The following TMED5 variants were observed in gnomAD, a reference collection of about 807,000 sequenced individuals.
The protein encoded by TMED5 is transmembrane emp24 domain-containing protein 5.
TMED5 carries 27 observed loss-of-function variants against 23.0 expected under a neutral mutation model. That is an observed-to-expected ratio of 1.17 (90% confidence interval 0.86 to 1.62). The LOEUF (loss-of-function observed/expected upper bound fraction) is 1.62, where lower values mean the gene tolerates loss of function less well. Ranked by LOEUF, TMED5 falls within the 40% of genes most tolerant of loss-of-function variation. TMED5 has a pLI of 0.00. For synonymous variants in TMED5, 97 were observed against 100.8 expected, an observed-to-expected ratio of 0.96 and a Z score of 0.23; for missense variants, 248 against 273.7, an observed-to-expected ratio of 0.91 and a Z score of 0.66.
chr1:93,175,316 T>TATATATATACACAC (rs1553160172), intron 1 of TMED5, among the ~76,000 whole-genome samples: 1 of 129,088 alleles, frequency 7.7e-6, no homozygotes, highest in African/African-American at 3.0e-5. Context: ...TATATATATA[T>TATATATATACACAC]ACACACACAC....
At chr1:93,160,888 A>C (rs1353725861) in intron 1 of TMED5, 2 of 148,404 alleles carry the variant, frequency 1.3e-5, no homozygotes, top group Non-Finnish European at 3.0e-5. Flanking sequence ...ATTGTATATA[A>C]CTTTTTTGTT....
At chr1:93,171,240 C>T (rs1203103647) in intron 1 of TMED5, among the ~76,000 whole-genome samples, 1 of 152,140 alleles carries the variant, frequency 6.6e-6, no homozygotes, top group Non-Finnish European at 1.5e-5. Flanking sequence ...TGCAGCTTCA[C>T]TCCTGAGCCA....
chr1:93,169,919 A>AC (rs1557576991), intron 1 of TMED5, among the ~76,000 whole-genome samples: 71 of 151,076 alleles, frequency 4.7e-4, no homozygotes, highest in South Asian at 6.3e-4. Context: ...ACACACACAC[A>AC]AAATTAGGCA....
intron 1 of TMED5, among the ~76,000 whole-genome samples, chr1:93,174,765 G>A (rs919383068): frequency 6.6e-6 from 1 of 152,044 alleles, no homozygotes; most frequent in African/African-American, 2.4e-5. Context: ...TTCTGTGTTA[G>A]TTTGCTAAGG....
chr1:93,171,336 G>A (rs1337402970), intron 1 of TMED5, among the ~76,000 whole-genome samples: 1 of 152,192 alleles, frequency 6.6e-6, no homozygotes, highest in Non-Finnish European at 1.5e-5. Context: ...CTGCCTTTAA[G>A]AACTGTAACA....
chr1:93,161,582 TCAAAAAA>T (rs1648277677), intron 1 of TMED5: 1 of 152,230 alleles, frequency 6.6e-6, no homozygotes, highest in Non-Finnish European at 1.5e-5. Flanking sequence ...ATTTTGCAAT[TCAAAAAA>T]TTGCAACCTC....
intron 3 of TMED5, 127 bp from the exon 4 acceptor site, chr1:93,155,015 G>T: frequency 1.5e-6 from 1 of 673,556 alleles, no homozygotes; most frequent in South Asian, 2.0e-5. Context: ...AGGGCAGGAG[G>T]ACCCCTTGAA....
intron 1 of TMED5, among the ~76,000 whole-genome samples, chr1:93,171,981 A>G (rs1648747244): frequency 6.6e-6 from 1 of 152,220 alleles, no homozygotes; most frequent in Non-Finnish European, 1.5e-5. Context: ...ATGGGTATGG[A>G]AAACATATTT....
chr1:93,160,970 C>T (rs1648255444), intron 1 of TMED5: 1 of 152,148 alleles, frequency 6.6e-6, no homozygotes, highest in Admixed American at 6.5e-5. Flanking sequence ...GTGTGGACTC[C>T]AACTGACTTC....
At position 93,153,424 on chromosome 1, in the gene TMED5, C is replaced by T. The variant is rs1043430937; in HGVS notation, c.*1246G>A. Reference sequence around the variant, plus strand: ...TATGTACACCCAGTGCTAAACCTTACAGTAGGGCTTACATTTTATAAAATG... The same window carrying T: ...TATGTACACCCAGTGCTAAACCTTATAGTAGGGCTTACATTTTATAAAATG... On this transcript the variant is annotated 3_prime_UTR_variant, in exon 4 of 4. Transcript: ENST00000370282. The T allele has an allele frequency of 5.9e-5, 9 of 152,070 alleles. No individual in the cohort carries two copies. The highest frequency in any genetic ancestry group is 1.2e-4 in the Non-Finnish European group (8 of 67,962). 9.4% of individuals were successfully genotyped at this position (152,070 alleles called of 1,614,324 possible).
rs567508344 is a variant in TMED5, at chr1:93,151,353, A to G, written c.*3317T>C. 2 of 152,194 alleles carry G rather than the reference A, an allele frequency of 1.3e-5. No homozygotes were observed. Among genetic ancestry groups the G allele is most frequent in the African/African-American group, 2.4e-5 (1 of 41,450 alleles). 9.4% of individuals were successfully genotyped at this position (152,194 alleles called of 1,614,324 possible). The stretch of plus-strand genomic sequence containing the variant: ...CTACACCAAGCATTGTACTTTTCCT[A>G]TATGCTAACAAGTTTTAAGATGTTT... On this transcript the variant is annotated 3_prime_UTR_variant, in exon 4 of 4. Coordinates refer to ENST00000370282, the MANE Select transcript of TMED5 (RefSeq NM_016040.5).
At chr1:93,167,405 T>A (rs562572547) in intron 1 of TMED5, among the ~76,000 whole-genome samples, 1 of 152,344 alleles carries the variant, frequency 6.6e-6, no homozygotes, top group South Asian at 2.1e-4. Context: ...ACATGGAATA[T>A]CTTTCCATTT....
Position 93,149,797 on chromosome 1 carries a change from C to T in TMED5, c.*4873G>A, listed in dbSNP as rs1438917754. On this transcript the variant is annotated 3_prime_UTR_variant, in exon 4 of 4. Coordinates refer to ENST00000370282, the MANE Select transcript of TMED5 (RefSeq NM_016040.5). Reference sequence around the variant, plus strand: ...TGTTGTAATTGTTCCATTTTGTTAGCTATTGTTAATCTCTTAATGTGCCTA... The same window carrying T: ...TGTTGTAATTGTTCCATTTTGTTAGTTATTGTTAATCTCTTAATGTGCCTA... 1.3e-5 allele frequency: 2 copies of T among 152,120 alleles called. No individual in the cohort carries two copies. Among genetic ancestry groups the T allele is most frequent in the African/African-American group, 4.8e-5 (2 of 41,402 alleles). 9.4% of individuals were successfully genotyped at this position (152,120 alleles called of 1,614,324 possible).
At chr1:93,179,973 A>G (rs2101207011) in intron 1 of TMED5, 81 bp downstream of exon 1, 5 of 1,427,832 alleles carry the variant, frequency 3.5e-6, no homozygotes, top group Non-Finnish European at 4.7e-6. Flanking sequence ...GCCGTCCACC[A>G]GAAGTTTCTA....
In TMED5 at chr1:93,154,807, G is replaced by C; in HGVS notation, c.553C>G (p.Arg185Gly). ...TCAAAGTTGCTTTCTTGTATGTTTC[G>C]ATCACGAGCTTCAAATGCTCTAAGC... is the stretch of plus-strand genomic sequence containing the variant. ...TLLRAFEARD[R>G]NIQESNFDRV... The change falls in exon 4 of 4, where the codon CGA (arginine) becomes GGA (glycine). Residue 185 changes from arginine to glycine, a missense_variant. Coordinates refer to ENST00000370282, the MANE Select transcript of TMED5 (RefSeq NM_016040.5). 1.2e-6 allele frequency: 2 copies of C among 1,613,996 alleles called. No homozygotes were observed. Among genetic ancestry groups the C allele is most frequent in the Non-Finnish European group, 1.7e-6 (2 of 1,179,930 alleles).
rs983015887 is a variant in TMED5, at chr1:93,153,145, A to G, written c.*1525T>C. On this transcript the variant is annotated 3_prime_UTR_variant, in exon 4 of 4. Transcript: ENST00000370282. ...TTTCTAACTCACAATGTAGTCATAA[A>G]CAACGTTATAAATGGGCATAACTTA... The G allele has an allele frequency of 9.8e-5, 15 of 152,598 alleles. No individual in the cohort carries two copies. Among genetic ancestry groups the G allele is most frequent in the Admixed American group, 6.5e-4 (10 of 15,268 alleles). The allele number at this position is 152,598 out of a possible 1,614,324, so 9.5% of individuals were successfully genotyped here.
chr1:93,176,712 G>A (rs1233453402), intron 1 of TMED5, among the ~76,000 whole-genome samples: 1 of 152,046 alleles, frequency 6.6e-6, no homozygotes, highest in Non-Finnish European at 1.5e-5. Context: ...TTTATTTTTG[G>A]TAGAGATGGG....
At chr1:93,165,566 A>T (rs1196953370) in intron 1 of TMED5, among the ~76,000 whole-genome samples, 1 of 152,194 alleles carries the variant, frequency 6.6e-6, no homozygotes, top group Non-Finnish European at 1.5e-5. Context: ...TTAAAATTTT[A>T]ATTTGTGTGG....
chr1:93,174,449 G>A (rs1367822521), intron 1 of TMED5, among the ~76,000 whole-genome samples: 1 of 152,116 alleles, frequency 6.6e-6, no homozygotes, highest in African/African-American at 2.4e-5. Flanking sequence ...TTCAAATTCA[G>A]CCTAGGCAAC....
Sources: allele counts gnomAD v4.1 joint callset (sites outside exome capture counted in the v4.1 genomes callset), GRCh38; gene constraint gnomAD v4.1.1; transcripts MANE v1.5; gene names NCBI Gene and HGNC (gene_info 2026-07-23, HGNC 2026-07-21).